DPT: variants seen among roughly 807,000 people sequenced by gnomAD.
DPT encodes dermatopontin.
In DPT, 21 loss-of-function variants were observed where a neutral mutation model predicts 31.2. The ratio of observed to expected loss-of-function variants is 0.67; its 90% confidence interval spans 0.48 to 0.97. The LOEUF (loss-of-function observed/expected upper bound fraction) is 0.97, where lower values mean the gene tolerates loss of function less well. Among genes scored for constraint, DPT ranks in the 50% least tolerant of loss-of-function variants. The pLI is 0.00. For missense variants in DPT, 262 were observed against 258.8 expected, an observed-to-expected ratio of 1.01 and a Z score of -0.08; for synonymous variants, 91 against 86.9, an observed-to-expected ratio of 1.05 and a Z score of -0.26.
intron 2 of DPT, among the ~76,000 whole-genome samples, chr1:168,707,328 T>C (rs1649743912): frequency 6.6e-6 from 1 of 152,200 alleles, no homozygotes; most frequent in Non-Finnish European, 1.5e-5. Flanking sequence ...TTCACATTCA[T>C]TGACTGCTTA....
At chr1:168,704,698 T>A (rs1557846865) in intron 2 of DPT, among the ~76,000 whole-genome samples, 1 of 152,072 alleles carries the variant, frequency 6.6e-6, no homozygotes. Flanking sequence ...AGACAGAGAG[T>A]TGTTCCAAAG....
intron 2 of DPT, among the ~76,000 whole-genome samples, chr1:168,711,567 T>C (rs1160590425): frequency 6.6e-6 from 1 of 152,218 alleles, no homozygotes; most frequent in East Asian, 1.9e-4. Flanking sequence ...TTAGTACATC[T>C]AACAACAGAC....
At chr1:168,710,590 T>C (rs1010922483) in intron 2 of DPT, among the ~76,000 whole-genome samples, 2 of 152,214 alleles carry the variant, frequency 1.3e-5, no homozygotes, top group African/African-American at 2.4e-5. Flanking sequence ...ATCTTTAACA[T>C]TGAGACTTTG....
intron 1 of DPT, among the ~76,000 whole-genome samples, chr1:168,723,280 T>G (rs940922671): frequency 1.3e-5 from 2 of 152,248 alleles, no homozygotes; most frequent in Admixed American, 1.3e-4. Flanking sequence ...GTCCTCCGTC[T>G]GCCATCTGCT....
rs1553201763 is a variant in DPT at position 168,700,908 on chromosome 1, G to GT, written c.539+108_539+109insA. ...TATTCTACGTGTGTGTGTGTGTGTG[G>GT]GTGTGTGTGTGTGTGTGTGTTTATA... On this transcript the variant is annotated intron_variant, in intron 3 of 3. Coordinates refer to ENST00000367817, the MANE Select transcript of DPT (RefSeq NM_001937.5). 0.021 allele frequency: 2,638 copies of GT among 127,530 alleles called. 72 individuals are homozygous for GT. In the African/African-American group the frequency reaches 0.28, roughly 14 times the overall value. The allele number at this position is 127,530 out of a possible 1,614,324, so 7.9% of individuals were successfully genotyped here.
rs12060879 is a variant in DPT, at chr1:168,696,573, G to C, written c.582C>G (p.Tyr194Ter). ...WKFIMCRMTE[Y>*]DCEFANV ...TCTAAACATTTGCAAATTCACAGTC[G>C]TATTCAGTCATCCGGCACATTATGA... is the stretch of plus-strand genomic sequence containing the variant. Residue 194 changes from tyrosine (Y) to a stop codon, truncating the protein, a stop_gained, in exon 4 of 4, where the codon TAC becomes TAG. Transcript: ENST00000367817. LOFTEE classifies it high-confidence loss of function. 2.2e-4 allele frequency: 349 copies of C among 1,613,842 alleles called. No homozygotes were observed. Among genetic ancestry groups the C allele is most frequent in the Non-Finnish European group, 2.5e-4 (298 of 1,179,976 alleles).
intron 2 of DPT, among the ~76,000 whole-genome samples, chr1:168,702,000 C>G (rs1649609447): frequency 6.7e-6 from 1 of 149,410 alleles, no homozygotes; most frequent in South Asian, 2.1e-4. Context: ...TTGAGTAAAT[C>G]CTGAGCCTTC....
chr1:168,699,891 T>G (rs970316192), intron 3 of DPT, among the ~76,000 whole-genome samples: 3 of 152,214 alleles, frequency 2.0e-5, no homozygotes, highest in African/African-American at 7.2e-5. Flanking sequence ...GTACAATTCT[T>G]GTTTTCTTCT....
At chr1:168,709,603 A>G (rs1011208976) in intron 2 of DPT, among the ~76,000 whole-genome samples, 1 of 152,184 alleles carries the variant, frequency 6.6e-6, no homozygotes, top group Non-Finnish European at 1.5e-5. Context: ...TTTCCAGCCC[A>G]GAGTGATGAT....
intron 1 of DPT, among the ~76,000 whole-genome samples, chr1:168,725,979 T>TA (rs1419131600): frequency 2.6e-5 from 4 of 152,206 alleles, no homozygotes; most frequent in Non-Finnish European, 5.9e-5. Flanking sequence ...TTTCTTTCCT[T>TA]ACAGATTTTT....
chr1:168,713,397 A>G (rs1649908471), intron 2 of DPT, among the ~76,000 whole-genome samples: 1 of 152,266 alleles, frequency 6.6e-6, no homozygotes. Flanking sequence ...ATTGCAGAGA[A>G]TAAGCATGAC....
intron 1 of DPT, among the ~76,000 whole-genome samples, chr1:168,714,595 A>T (rs1159178106): frequency 6.6e-6 from 1 of 152,184 alleles, no homozygotes; most frequent in African/African-American, 2.4e-5. Context: ...TACCTCTTTC[A>T]ATATATATTG....
At chr1:168,701,268 T>C in intron 2 of DPT, 144 bp from the exon 3 acceptor site, 1 of 663,084 alleles carries the variant, frequency 1.5e-6, no homozygotes, top group East Asian at 2.8e-5. Context: ...ACCAAACAAC[T>C]CCAGGCTGTG....
At chr1:168,712,624 C>G (rs996984318) in intron 2 of DPT, among the ~76,000 whole-genome samples, 3 of 152,198 alleles carry the variant, frequency 2.0e-5, no homozygotes, top group African/African-American at 7.2e-5. Context: ...CCTACTCTCC[C>G]CTTTCATTAG....
intron 2 of DPT, among the ~76,000 whole-genome samples, chr1:168,704,389 G>A (rs1349906492): frequency 6.6e-6 from 1 of 152,168 alleles, no homozygotes; most frequent in Non-Finnish European, 1.5e-5. Context: ...CTAAAGTAAA[G>A]TGTTTGAATA....
intron 2 of DPT, among the ~76,000 whole-genome samples, chr1:168,701,745 T>C (rs1052768392): frequency 3.3e-5 from 5 of 152,214 alleles, no homozygotes; most frequent in African/African-American, 1.2e-4. Flanking sequence ...TTGTCCACCA[T>C]TGTTCATCCA....
chr1:168,727,184 T>C (rs1650265918), intron 1 of DPT, among the ~76,000 whole-genome samples: 1 of 152,196 alleles, frequency 6.6e-6, no homozygotes, highest in Non-Finnish European at 1.5e-5. Context: ...GGCAGCAGCC[T>C]CTCAGGAGCC....
intron 2 of DPT, among the ~76,000 whole-genome samples, chr1:168,702,263 A>G (rs1351572980): frequency 6.6e-6 from 1 of 152,196 alleles, no homozygotes; most frequent in Non-Finnish European, 1.5e-5. Flanking sequence ...CTGCAGACTG[A>G]TGGTGATCTT....
Position 168,702,283 on chromosome 1 carries a change from TTG to T in DPT, c.432-1161_432-1160del, listed in dbSNP as rs150390477. Among the ~76,000 whole-genome samples the T allele has an allele frequency of 7.2e-3, 1,091 of 152,330 alleles. 14 individuals are homozygous for T. The highest frequency in any genetic ancestry group is 0.025 in the African/African-American group (1,047 of 41,574). On this transcript the variant is annotated intron_variant, in intron 2 of 3. Transcript: ENST00000367817. ...GACTGATGGTGATCTTTCTCCAAGA[TTG>T]TCATTAAATCATGAAAAGATTGATT...
Sources: gnomAD v4.1 joint callset for allele counts (sites outside exome capture counted in the v4.1 genomes callset) on GRCh38, gnomAD v4.1.1 for gene constraint, MANE v1.5 for transcripts, NCBI Gene and HGNC (gene_info 2026-07-23, HGNC 2026-07-21) for gene names.